The following KCNQ5 variants were observed in gnomAD, a reference collection of about 807,000 sequenced individuals.
The protein encoded by KCNQ5 is potassium voltage-gated channel subfamily KQT member 5.
In KCNQ5, 30 loss-of-function variants were observed where a neutral mutation model predicts 98.2. The observed-to-expected ratio is 0.31, with a 90% CI of 0.23 to 0.41. KCNQ5 has a LOEUF of 0.41. Ranked by LOEUF, KCNQ5 falls within the 10% of genes least tolerant of loss-of-function variation. The probability of loss-of-function intolerance (pLI) is 1.00; values close to 1 mark genes in which losing one functional copy is unlikely to be tolerated. For synonymous variants in KCNQ5, 458 were observed against 449.4 expected (o/e 1.02, Z -0.24); for missense variants, 835 against 1,182.5 (o/e 0.71, Z 4.31).
intron 1 of KCNQ5, chr6:72,986,902 A>G (rs2150305776): frequency 1.2e-6 from 1 of 854,404 alleles, no homozygotes; most frequent in East Asian, 2.4e-5. Context: ...ACACTTGCTC[A>G]GTGGGGAAGA....
At chr6:73,188,687 G>A (rs912064348) in intron 11 of KCNQ5, among the ~76,000 whole-genome samples, 2 of 152,062 alleles carry the variant, frequency 1.3e-5, no homozygotes, top group African/African-American at 2.4e-5. Flanking sequence ...ACTGACTGTT[G>A]AACAAAAGAC....
chr6:72,881,631 A>G (rs1307972240), intron 1 of KCNQ5, among the ~76,000 whole-genome samples: 1 of 152,196 alleles, frequency 6.6e-6, no homozygotes, highest in Non-Finnish European at 1.5e-5. Context: ...GTTACAAGTA[A>G]AAGTACAAGC....
chr6:72,731,856 C>T (rs2154475789), intron 1 of KCNQ5, among the ~76,000 whole-genome samples: 1 of 152,224 alleles, frequency 6.6e-6, no homozygotes, highest in Non-Finnish European at 1.5e-5. Flanking sequence ...TTATATCCTC[C>T]AAACATGTTG....
chr6:73,096,475 G>GGA lies in KCNQ5; in HGVS notation c.919-8780_919-8779dup, dbSNP rs367766401. On this transcript the variant is annotated intron_variant, in intron 5 of 13. Coordinates refer to ENST00000370398, the MANE Select transcript of KCNQ5 (RefSeq NM_019842.4). Reference sequence around the variant, plus strand: ...AATCATGAAGAACCCTGCAGGCCATGGAGGAGCTGGGACTTTGTTCTAAGA... The same window carrying GGA: ...AATCATGAAGAACCCTGCAGGCCATGGAGAGGAGCTGGGACTTTGTTCTAAGA... Among the ~76,000 whole-genome samples, 838 of 152,202 alleles carry GGA rather than the reference G, an allele frequency of 5.5e-3. 9 individuals carry two copies. Among genetic ancestry groups the GGA allele is most frequent in the African/African-American group, 0.019 (788 of 41,534 alleles).
intron 1 of KCNQ5, among the ~76,000 whole-genome samples, chr6:72,712,124 A>G (rs929908394): frequency 6.6e-6 from 1 of 152,224 alleles, no homozygotes; most frequent in East Asian, 1.9e-4. Context: ...TACTGAATAC[A>G]TGTTTGTTTT....
At chr6:72,971,200 C>T (rs1192968120) in intron 1 of KCNQ5, among the ~76,000 whole-genome samples, 1 of 152,170 alleles carries the variant, frequency 6.6e-6, no homozygotes, top group Non-Finnish European at 1.5e-5. Context: ...TGAACAGACA[C>T]TTCTCAAAAG....
intron 10 of KCNQ5, among the ~76,000 whole-genome samples, chr6:73,156,760 T>C (rs1777376186): frequency 6.6e-6 from 1 of 152,236 alleles, no homozygotes; most frequent in South Asian, 2.1e-4. Flanking sequence ...AAAAATACTT[T>C]TCACGTTTTG....
intron 2 of KCNQ5, among the ~76,000 whole-genome samples, chr6:73,041,601 T>A (rs1425644668): frequency 6.6e-6 from 1 of 152,194 alleles, no homozygotes; most frequent in Non-Finnish European, 1.5e-5. Context: ...ATTTCACATG[T>A]TACTGGGTAG....
intron 3 of KCNQ5, among the ~76,000 whole-genome samples, chr6:73,052,106 A>G (rs889546678): frequency 1.3e-5 from 2 of 152,220 alleles, no homozygotes; most frequent in Non-Finnish European, 2.9e-5. Flanking sequence ...CACAAATATA[A>G]CAGCAGAATC....
In KCNQ5 at chr6:72,813,983, G is replaced by A. The variant is rs1185824019; in HGVS notation, c.399-189925G>A. Among the ~76,000 whole-genome samples the A allele has an allele frequency of 2.0e-5, 3 of 152,116 alleles. No individual in the cohort carries two copies. The East Asian group carries it at 5.8e-4, about 29-fold the overall frequency. ...ATGAGTTGGTTATTCTGGGCTTGCT[G>A]ACTGTATAAAGATTTGGTTCATGTC... is the stretch of plus-strand genomic sequence containing the variant. On this transcript the variant is annotated intron_variant, in intron 1 of 13. Transcript: ENST00000370398.
At chr6:73,134,578 G>A (rs1776388349) in intron 10 of KCNQ5, among the ~76,000 whole-genome samples, 2 of 152,158 alleles carry the variant, frequency 1.3e-5, no homozygotes, top group African/African-American at 4.8e-5. Flanking sequence ...CAGTCCACGG[G>A]TCCCTCTCAG....
At chr6:72,923,992 T>A (rs1288230192) in intron 1 of KCNQ5, among the ~76,000 whole-genome samples, 1 of 152,232 alleles carries the variant, frequency 6.6e-6, no homozygotes, top group Admixed American at 6.5e-5. Flanking sequence ...AAAAAAGGTA[T>A]TGAAATAATT....
intron 3 of KCNQ5, among the ~76,000 whole-genome samples, chr6:73,050,120 T>C (rs753026963): frequency 4.6e-5 from 7 of 151,970 alleles, no homozygotes; most frequent in Non-Finnish European, 8.8e-5. Flanking sequence ...AGGAGGCTGA[T>C]AGGAGAAGGT....
chr6:72,972,157 T>C (rs551614932), intron 1 of KCNQ5, among the ~76,000 whole-genome samples: 3 of 152,250 alleles, frequency 2.0e-5, no homozygotes, highest in Non-Finnish European at 2.9e-5. Flanking sequence ...CCTCAGCCCC[T>C]ACCTCTGCAA....
chr6:72,832,408 A>G (rs1421429764), intron 1 of KCNQ5, among the ~76,000 whole-genome samples: 1 of 152,034 alleles, frequency 6.6e-6, no homozygotes, highest in African/African-American at 2.4e-5. Context: ...TTTTTTAAGT[A>G]TGAGAAGGAG....
At chr6:73,017,762 G>T (rs968799503) in intron 2 of KCNQ5, among the ~76,000 whole-genome samples, 5 of 152,136 alleles carry the variant, frequency 3.3e-5, no homozygotes, top group Non-Finnish European at 7.3e-5. Flanking sequence ...GCTCACTGAA[G>T]ACTAATTTAG....
intron 1 of KCNQ5, among the ~76,000 whole-genome samples, chr6:72,706,356 T>A (rs1262439284): frequency 6.6e-6 from 1 of 151,904 alleles, no homozygotes; most frequent in Non-Finnish European, 1.5e-5. Context: ...ATAAAATATC[T>A]TGTTACAATT....
At chr6:73,118,510 C>T (rs1416223993) in intron 7 of KCNQ5, among the ~76,000 whole-genome samples, 1 of 151,866 alleles carries the variant, frequency 6.6e-6, no homozygotes, top group African/African-American at 2.4e-5. Flanking sequence ...TGAAAATATA[C>T]CTAGGAGTGT....
At chr6:72,840,667 C>T (rs57840734) in intron 1 of KCNQ5, among the ~76,000 whole-genome samples, 23,431 of 152,086 alleles carry the variant, frequency 0.15, 2,429 homozygotes, top group African/African-American at 0.29. Flanking sequence ...GCAAGAGGTT[C>T]AATTAGGAGC....
Sources: allele counts gnomAD v4.1 joint callset (sites outside exome capture counted in the v4.1 genomes callset), GRCh38; gene constraint gnomAD v4.1.1; transcripts MANE v1.5; gene names NCBI Gene and HGNC (gene_info 2026-07-23, HGNC 2026-07-21).